The following DALRD3 variants were observed in gnomAD, a reference collection of about 807,000 sequenced individuals.
DALRD3 encodes DALR anticodon binding domain containing 3.
Under a neutral mutation model 56.7 loss-of-function variants are expected in DALRD3, and 47 were observed. That is an observed-to-expected ratio of 0.83 (90% CI 0.66 to 1.06). The LOEUF is 1.06. Among genes scored for constraint, DALRD3 ranks in the 50% least tolerant of loss-of-function variants. The pLI, the probability that DALRD3 is intolerant of heterozygous loss-of-function variation, is 0.00. For synonymous variants in DALRD3, 347 were observed against 308.5 expected (o/e 1.12, Z -1.31); for missense variants, 787 against 724.0 (o/e 1.09, Z -1.00).
Position 49,017,497 on chromosome 3 carries a change from G to C in DALRD3, c.735C>G (p.Leu245=). The part of the protein sequence containing the change: ...LDNCLVTEDL[L]SVLAELQEAL... Reference sequence around the variant, plus strand: ...CCTCTTGCAGCTCAGCCAGCACAGAGAGGAGATCCTCAGTCACTGAAAAGA... The same window carrying C: ...CCTCTTGCAGCTCAGCCAGCACAGACAGGAGATCCTCAGTCACTGAAAAGA... The change falls in exon 4 of 12, where the codon CTC becomes CTG. Residue 245 remains leucine (L), a synonymous_variant. Transcript: ENST00000341949. 1 of 1,614,134 alleles carries C rather than the reference G, an allele frequency of 6.2e-7. No individual in the cohort carries two copies. Among genetic ancestry groups the C allele is most frequent in the Non-Finnish European group, 8.5e-7 (1 of 1,180,046 alleles).
chr3:49,016,929 T>C, intron 5 of DALRD3, 82 bp from the exon 6 acceptor site: 1 of 1,513,720 alleles, frequency 6.6e-7, no homozygotes, highest in Non-Finnish European at 9.1e-7. Context: ...CTGGTGCCTC[T>C]ACTCAGCCCA....
In DALRD3 at chr3:49,015,526, T is replaced by G; in HGVS notation, c.*62A>C. On this transcript the variant is annotated 3_prime_UTR_variant, in exon 12 of 12. Coordinates refer to ENST00000341949, the MANE Select transcript of DALRD3 (RefSeq NM_001009996.3). The stretch of plus-strand genomic sequence containing the variant: ...GTACCAATTTATTTTGGCCGTGGGT[T>G]TTTGCTTTTTTTCCAGTTGATGACT... 1 of 1,599,538 alleles carries G rather than the reference T, an allele frequency of 6.3e-7. No homozygotes were observed. Among genetic ancestry groups the G allele is most frequent in the South Asian group, 1.1e-5 (1 of 89,642 alleles).
rs758328168 is a variant in DALRD3, at chr3:49,017,187, G to A, written c.927+41C>T. ...GTTTTCAAGGGCCCTCTGAGGTTGGGGGTTAGGTGGTGGGGAGCTCCACCA... is the reference window on the plus strand; with the variant it reads ...GTTTTCAAGGGCCCTCTGAGGTTGGAGGTTAGGTGGTGGGGAGCTCCACCA... On this transcript the variant is annotated intron_variant, in intron 5 of 11. Coordinates refer to ENST00000341949, the MANE Select transcript of DALRD3 (RefSeq NM_001009996.3). The A allele has an allele frequency of 1.9e-6, 3 of 1,613,674 alleles. No homozygotes were observed. In the East Asian group the frequency reaches 6.7e-5, roughly 36 times the overall value.
At position 49,018,138 on chromosome 3, in the gene DALRD3, G is replaced by T; in HGVS notation, c.346C>A (p.Gln116Lys). 1 of 1,464,218 alleles carries T rather than the reference G, an allele frequency of 6.8e-7. No individual in the cohort carries two copies. Among genetic ancestry groups the T allele is most frequent in the Non-Finnish European group, 8.9e-7 (1 of 1,119,014 alleles). The allele number at this position is 1,464,218 out of a possible 1,614,324, so 90.7% of individuals were successfully genotyped here. ...GCTGGGCAGTGTAGTAAGACGCGCT[G>T]GCCCAGCGAGGCAGGCGAGGCGGGC... ...ATPASPASLG[Q>K]RVLLHCPALR... The change falls in exon 2 of 12, where the codon CAG (glutamine) becomes AAG (lysine). Residue 116 changes from glutamine to lysine, a missense_variant. By Grantham distance (53) the Gln-to-Lys change is moderately conservative. Transcript: ENST00000341949.
In DALRD3 at chr3:49,018,303, G is replaced by A. The variant is rs1256635261; in HGVS notation, c.181C>T (p.Leu61Phe). 2.0e-6 allele frequency: 3 copies of A among 1,468,868 alleles called. No individual in the cohort carries two copies. The African/African-American group carries it at 4.4e-5, about 21-fold the overall frequency. 91.0% of individuals were successfully genotyped at this position (1,468,868 alleles called of 1,614,324 possible). ...FDDGQVPEHL[L>F]HALACLQGPG... ...CCCTGCAGGCAGGCGAGGGCATGGA[G>A]CAAATGCTCCGGAACCTGCGGGAGA... The change falls in exon 2 of 12, where the codon CTC becomes TTC. Residue 61 changes from leucine to phenylalanine, a missense_variant. Transcript: ENST00000341949.
At chr3:49,016,403 T>A (rs2093071907) in intron 8 of DALRD3, 26 bp downstream of exon 8, 1 of 1,609,500 alleles carries the variant, frequency 6.2e-7, no homozygotes, top group African/African-American at 1.3e-5. Context: ...GCCCCAACAC[T>A]GGCCCTGTCA....
chr3:49,018,343 G>A, intron 1 of DALRD3, 25 bp from the exon 2 acceptor site: 2 of 1,497,848 alleles, frequency 1.3e-6, no homozygotes, highest in Non-Finnish European at 1.8e-6. Context: ...GCGTGTAAAA[G>A]AGCCACGGCA....
rs548329545 is a variant in DALRD3 at position 49,017,832 on chromosome 3, G to A, written c.499C>T (p.His167Tyr). Residue 167 changes from histidine to tyrosine, a missense_variant, in exon 3 of 12, where the codon CAC (histidine) becomes TAC (tyrosine). Physicochemically the swap from His to Tyr is moderately conservative, Grantham distance 83 (BLOSUM62 2). Coordinates refer to ENST00000341949, the MANE Select transcript of DALRD3 (RefSeq NM_001009996.3). ...VRLVPAVRDP[H>Y]MLTFLQQLRV... ...AGTTGCTGCAGGAAGGTCAGCATGTGCGGATCCCGCACAGCTGGCACTAGG... is the reference window on the plus strand; with the variant it reads ...AGTTGCTGCAGGAAGGTCAGCATGTACGGATCCCGCACAGCTGGCACTAGG... 1.1e-5 allele frequency: 18 copies of A among 1,608,962 alleles called. No individual in the cohort carries two copies. In the South Asian group the frequency reaches 2.0e-4, roughly 18 times the overall value.
At position 49,018,005 on chromosome 3, in the gene DALRD3, C is replaced by T. The variant is rs1343550997; in HGVS notation, c.461+18G>A. On this transcript the variant is annotated intron_variant, in intron 2 of 11. Transcript: ENST00000341949. ...GGCAGTCCCACTTTCTCCATTCCGG[C>T]CCCGCGGCCCCGCTCACCCGTGAGC... 1.4e-6 allele frequency: 2 copies of T among 1,475,812 alleles called. No individual in the cohort carries two copies. Among genetic ancestry groups the T allele is most frequent in the Non-Finnish European group, 8.9e-7 (1 of 1,120,870 alleles). The allele number at this position is 1,475,812 out of a possible 1,614,324, so 91.4% of individuals were successfully genotyped here.
rs766937042 is a variant in DALRD3 at position 49,016,769 on chromosome 3, C to T, written c.1001+5G>A. 10 of 1,614,072 alleles carry T rather than the reference C, an allele frequency of 6.2e-6. No homozygotes were observed. In the South Asian group the frequency reaches 8.8e-5, roughly 14 times the overall value. On this transcript the variant is annotated splice_donor_5th_base_variant and intron_variant, in intron 6 of 11. Coordinates refer to ENST00000341949, the MANE Select transcript of DALRD3 (RefSeq NM_001009996.3). Reference sequence around the variant, plus strand: ...TAGGTTGGTGTTCCTCCCAGCCTCACTCACTCGTAGTACTCAGGGGCAGTC... The same window carrying T: ...TAGGTTGGTGTTCCTCCCAGCCTCATTCACTCGTAGTACTCAGGGGCAGTC...
chr3:49,016,742 C>T (rs2106726413), intron 6 of DALRD3, 32 bp downstream of exon 6: 2 of 1,614,076 alleles, frequency 1.2e-6, no homozygotes, highest in Middle Eastern at 3.3e-4. Context: ...ATTACCCTGG[C>T]TTAGGTTGGT....
Position 49,017,311 on chromosome 3 carries a change from C to T in DALRD3, c.844G>A (p.Val282Ile), listed in dbSNP as rs747977518. The T allele has an allele frequency of 2.2e-5, 35 of 1,614,138 alleles. No individual in the cohort carries two copies. Among genetic ancestry groups the T allele is most frequent in the Non-Finnish European group, 2.8e-5 (33 of 1,180,064 alleles). Residue 282 changes from valine (V) to isoleucine (I), a missense_variant, in exon 5 of 12, where the codon GTT becomes ATT. By Grantham distance (29) the Val-to-Ile change is conservative. Transcript: ENST00000341949. ...TGTGGCLVVH[V>I]VSCEEEFQQQ... ...TGGAACTCCTCCTCACAGCTAACAA[C>T]ATGTACAACCAGGCAGCCGCCTGTA...
At chr3:49,020,012 AC>A (rs750455584), upstream of DALRD3, 15 of 383,392 alleles carry the variant, frequency 3.9e-5, no homozygotes, top group Non-Finnish European at 6.9e-5. Flanking sequence ...CCCCCACCCC[AC>A]CCCCATTCCT....
chr3:49,016,041 G>C lies in DALRD3; in HGVS notation c.1375C>G (p.Leu459Val). ...LFNSILPFPD[L>V]LSRTAVLDCT... ...TCCAGCACTGCTGTCCGGCTCAGCA[G>C]ATCCGGAAAGGGGAGGATACTGTTG... is the stretch of plus-strand genomic sequence containing the variant. The change falls in exon 10 of 12, where the codon CTG (leucine) becomes GTG (valine). Residue 459 changes from leucine (L) to valine (V), a missense_variant. Coordinates refer to ENST00000341949, the MANE Select transcript of DALRD3 (RefSeq NM_001009996.3). 1 of 1,601,050 alleles carries C rather than the reference G, an allele frequency of 6.2e-7. No homozygotes were observed. Among genetic ancestry groups the C allele is most frequent in the Non-Finnish European group, 8.5e-7 (1 of 1,171,120 alleles).
In DALRD3 at chr3:49,016,782, C is replaced by CTCAGT. The variant is rs1451275171; in HGVS notation, c.992_993insACTGA (p.Tyr332LeufsTer17). On this transcript the variant is annotated frameshift_variant, in exon 6 of 12. Coordinates refer to ENST00000341949, the MANE Select transcript of DALRD3 (RefSeq NM_001009996.3). LOFTEE classifies it high-confidence loss of function. ...CTCCCAGCCTCACTCACTCGTAGTA[C>CTCAGT]TCAGGGGCAGTCATCAGAGTGCCAG... is the stretch of plus-strand genomic sequence containing the variant. The CTCAGT allele has an allele frequency of 2.9e-5, 47 of 1,614,116 alleles. No individual in the cohort carries two copies. Among genetic ancestry groups the CTCAGT allele is most frequent in the Non-Finnish European group, 3.8e-5 (45 of 1,180,048 alleles).
At position 49,017,220 on chromosome 3, in the gene DALRD3, T is replaced by C. The variant is rs201973084; in HGVS notation, c.927+8A>G. 8 of 1,614,190 alleles carry C rather than the reference T, an allele frequency of 5.0e-6. No individual in the cohort carries two copies. Among genetic ancestry groups the C allele is most frequent in the African/African-American group, 1.3e-5 (1 of 75,038 alleles). ...TGGTGGGGAGCTCCACCATCATTAT[T>C]AACCTACCTGTCTGAGTGGAGCCTT... On this transcript the variant is annotated splice_region_variant and intron_variant, in intron 5 of 11. Coordinates refer to ENST00000341949, the MANE Select transcript of DALRD3 (RefSeq NM_001009996.3).
At position 49,015,905 on chromosome 3, in the gene DALRD3, C is replaced by G. The variant is rs199567076; in HGVS notation, c.1444-33G>C. 967 of 1,614,202 alleles carry G rather than the reference C, an allele frequency of 6.0e-4. 8 individuals are homozygous for G. The African/African-American group carries it at 0.011, about 19-fold the overall frequency. On this transcript the variant is annotated intron_variant, in intron 10 of 11. Transcript: ENST00000341949. ...CAGAGACTGAGTCACTGGCCCATCT[C>G]TTTGCTCTTGTGCCCCAGGCCAGAA... is the stretch of plus-strand genomic sequence containing the variant.
In DALRD3 at chr3:49,017,869, C is replaced by T. The variant is rs1272117782; in HGVS notation, c.462G>A (p.Gly154=). Residue 154 remains glycine (G), a splice_region_variant and synonymous_variant, in exon 3 of 12, where the codon GGG becomes GGA. Transcript: ENST00000341949. ...CAGCTGGCACTAGGCGCACGCACACCCTGCGAAGGGAGGGCGGCCGCCTCA... is the reference window on the plus strand; with the variant it reads ...CAGCTGGCACTAGGCGCACGCACACTCTGCGAAGGGAGGGCGGCCGCCTCA... The part of the protein sequence containing the change: ...DHLARALRAH[G]VCVRLVPAVR... 5 of 1,594,522 alleles carry T rather than the reference C, an allele frequency of 3.1e-6. No individual in the cohort carries two copies. Among genetic ancestry groups the T allele is most frequent in the East Asian group, 2.3e-5 (1 of 44,300 alleles).
At position 49,016,131 on chromosome 3, in the gene DALRD3, G is replaced by C. The variant is rs769914117; in HGVS notation, c.1329+27C>G. The C allele has an allele frequency of 1.9e-6, 3 of 1,611,688 alleles. No individual in the cohort carries two copies. The South Asian group carries it at 3.3e-5, about 18-fold the overall frequency. On this transcript the variant is annotated intron_variant, in intron 9 of 11. Transcript: ENST00000341949. The stretch of plus-strand genomic sequence containing the variant: ...TGGGAGGGGAAGTCCAGGCCTCCTT[G>C]TGCCAGCTACCAGGAGGGACACTCA...
Sources: gnomAD v4.1 joint callset for allele counts on GRCh38, gnomAD v4.1.1 for gene constraint, MANE v1.5 for transcripts, NCBI Gene and HGNC (gene_info 2026-07-23, HGNC 2026-07-21) for gene names.